Variants in CACNA1I observed in about 807,000 individuals in gnomAD.
The protein encoded by CACNA1I is calcium voltage-gated channel subunit alpha1 I.
Under a neutral mutation model 201.6 loss-of-function variants are expected in CACNA1I, and 74 were observed. That is an observed-to-expected ratio of 0.37 (90% CI 0.30 to 0.45). The LOEUF is 0.45. Among genes scored for constraint, CACNA1I ranks in the 20% least tolerant of loss-of-function variants. CACNA1I has a pLI of 1.00. For synonymous variants in CACNA1I, 1,431 were observed against 1,345.2 expected, an observed-to-expected ratio of 1.06 and a Z score of -1.40; for missense variants, 2,346 against 3,138.1, an observed-to-expected ratio of 0.75 and a Z score of 6.03.
At chr22:39,588,385 CTTTTTT>C (rs3044379) in intron 1 of CACNA1I, among the ~76,000 whole-genome samples, 1 of 80,722 alleles carries the variant, frequency 1.2e-5, no homozygotes, top group African/African-American at 4.4e-5. Flanking sequence ...TTCTTTCTTT[CTTTTTT>C]TTTTTTTTTT....
chr22:39,598,271 G>GCCGCT lies in CACNA1I; in HGVS notation c.348+13_348+14insTCCGC. The GCCGCT allele has an allele frequency of 7.1e-7, 1 of 1,405,352 alleles. No individual in the cohort carries two copies. The highest frequency in any genetic ancestry group is 9.5e-7 in the Non-Finnish European group (1 of 1,051,114). 87.1% of individuals were successfully genotyped at this position (1,405,352 alleles called of 1,614,324 possible). On this transcript the variant is annotated intron_variant, in intron 2 of 36. Coordinates refer to ENST00000402142, the MANE Select transcript of CACNA1I (RefSeq NM_021096.4). Reference sequence around the variant, plus strand: ...GCTGCAAGATCCTGCAGGTGAGCCGGCCGCCCCGCCCCGCCCCGCCCTGCC... The same window carrying GCCGCT: ...GCTGCAAGATCCTGCAGGTGAGCCGGCCGCTCCGCCCCGCCCCGCCCCGCCCTGCC...
chr22:39,678,986 G>A (rs1601528238), intron 31 of CACNA1I, 121 bp from the exon 32 acceptor site: 1 of 733,796 alleles, frequency 1.4e-6, no homozygotes, highest in Non-Finnish European at 2.2e-6. Context: ...GCAGCCCGGG[G>A]CCATCTCGGG....
At chr22:39,622,310 G>T (rs191577478) in intron 4 of CACNA1I, among the ~76,000 whole-genome samples, 3 of 151,984 alleles carry the variant, frequency 2.0e-5, no homozygotes, top group Admixed American at 2.0e-4. Context: ...GCTGGGGGTC[G>T]GGAGGCCTCC....
chr22:39,603,194 A>C (rs1218087215), intron 3 of CACNA1I, among the ~76,000 whole-genome samples: 2 of 151,752 alleles, frequency 1.3e-5, no homozygotes, highest in East Asian at 3.8e-4. Context: ...ATCTCAGAAG[A>C]AAGTTCTTCC....
At chr22:39,643,083 G>A (rs1934390189) in intron 7 of CACNA1I, among the ~76,000 whole-genome samples, 194 bp downstream of exon 7, 1 of 152,134 alleles carries the variant, frequency 6.6e-6, no homozygotes, top group Non-Finnish European at 1.5e-5. Context: ...GGCGGCTGTC[G>A]GGAGCATCCA....
chr22:39,661,759 G>A (rs532151417), intron 16 of CACNA1I, among the ~76,000 whole-genome samples: 2 of 152,372 alleles, frequency 1.3e-5, no homozygotes, highest in Non-Finnish European at 1.5e-5. Context: ...GTAACCTCCG[G>A]GTGGATGTGC....
At chr22:39,625,372 C>G (rs1228784220) in intron 4 of CACNA1I, among the ~76,000 whole-genome samples, 1 of 152,134 alleles carries the variant, frequency 6.6e-6, no homozygotes, top group Non-Finnish European at 1.5e-5. Flanking sequence ...CTGCAAAGCT[C>G]CAGCATGAAC....
intron 8 of CACNA1I, among the ~76,000 whole-genome samples, chr22:39,647,196 G>A (rs2146427496): frequency 6.6e-6 from 1 of 152,304 alleles, no homozygotes; most frequent in Non-Finnish European, 1.5e-5. Context: ...AAGAACAAGT[G>A]TCTCTCCTCA....
intron 7 of CACNA1I, among the ~76,000 whole-genome samples, chr22:39,645,461 C>T (rs1290513172): frequency 6.6e-6 from 1 of 152,184 alleles, no homozygotes; most frequent in Admixed American, 6.5e-5. Flanking sequence ...CAGGGCCCAG[C>T]TGTCTCTTCC....
chr22:39,670,171 C>G lies in CACNA1I; in HGVS notation c.4328C>G (p.Ala1443Gly). The G allele has an allele frequency of 6.2e-7, 1 of 1,613,996 alleles. No individual in the cohort carries two copies. The highest frequency in any genetic ancestry group is 8.5e-7 in the Non-Finnish European group (1 of 1,179,872). Reference sequence around the variant, plus strand: ...CACAAGTGCCGGCAGCACCAGGAGGCTGAAGAGGCACGGCGGCGTGAGGAG... The same window carrying G: ...CACAAGTGCCGGCAGCACCAGGAGGGTGAAGAGGCACGGCGGCGTGAGGAG... ...NFHKCRQHQEAEEARRREEKR... is the reference protein window; with the variant it reads ...NFHKCRQHQEGEEARRREEKR... The change falls in exon 25 of 37, where the codon GCT becomes GGT. Residue 1443 changes from alanine (A) to glycine (G), a missense_variant. Transcript: ENST00000402142.
chr22:39,651,677 C>T (rs548376818), intron 10 of CACNA1I, among the ~76,000 whole-genome samples: 46 of 152,338 alleles, frequency 3.0e-4, no homozygotes, highest in African/African-American at 1.1e-3. Flanking sequence ...TACCCTCGAG[C>T]CCCGGCACTG....
At chr22:39,580,814 A>C (rs1932523790) in intron 1 of CACNA1I, among the ~76,000 whole-genome samples, 1 of 152,228 alleles carries the variant, frequency 6.6e-6, no homozygotes, top group Admixed American at 6.5e-5. Flanking sequence ...ACTGAGGCAT[A>C]GAAACCAGGT....
rs1052371393 is a variant in CACNA1I at position 39,689,199 on chromosome 22, T to C, written c.*2794T>C. 6.5e-6 allele frequency: 1 copy of C among 152,900 alleles called. No homozygotes were observed. The highest frequency in any genetic ancestry group is 1.5e-5 in the Non-Finnish European group (1 of 68,238). The allele number at this position is 152,900 out of a possible 1,614,324, so 9.5% of individuals were successfully genotyped here. On this transcript the variant is annotated 3_prime_UTR_variant, in exon 37 of 37. Transcript: ENST00000402142. ...CTGTCTGCTGGGCTCCGTAGAGCGG[T>C]GGTGGGCAGGCACCTTGGCATCTGT... is the stretch of plus-strand genomic sequence containing the variant.
Position 39,646,871 on chromosome 22 carries a change from C to G in CACNA1I, c.1452C>G (p.Pro484=), listed in dbSNP as rs1343746747. The G allele has an allele frequency of 7.3e-6, 11 of 1,502,054 alleles. No homozygotes were observed. The East Asian group carries it at 2.7e-4, about 37-fold the overall frequency. 93.0% of individuals were successfully genotyped at this position (1,502,054 alleles called of 1,614,324 possible). Residue 484 remains proline (P), a synonymous_variant, in exon 8 of 37, where the codon CCC becomes CCG. Coordinates refer to ENST00000402142, the MANE Select transcript of CACNA1I (RefSeq NM_021096.4). ...AACCTGGGCCCCACGCCAAGGAGCC[C>G]CGGCACTACCGTAAGTGGCCCTGCA... ...PAKPGPHAKE[P]RHYHGKTKGQ...
In CACNA1I at chr22:39,674,302, C is replaced by G. The variant is rs375418254; in HGVS notation, c.4854+269C>G. The stretch of plus-strand genomic sequence containing the variant: ...GTCCACATTGTGCCCTTGGTTGCCC[C>G]CAGGCTGGTGGAGGGAGATGGATAC... On this transcript the variant is annotated intron_variant, in intron 29 of 36. Coordinates refer to ENST00000402142, the MANE Select transcript of CACNA1I (RefSeq NM_021096.4). Among the ~76,000 whole-genome samples, 18 of 152,312 alleles carry G rather than the reference C, an allele frequency of 1.2e-4. No homozygotes were observed. In the East Asian group the frequency reaches 3.3e-3, roughly 28 times the overall value.
chr22:39,592,697 G>A (rs1418269917), intron 1 of CACNA1I, among the ~76,000 whole-genome samples: 1 of 152,178 alleles, frequency 6.6e-6, no homozygotes. Context: ...CAGAAATCCT[G>A]TGCTCCCCCT....
At chr22:39,594,383 G>A (rs549007072) in intron 1 of CACNA1I, among the ~76,000 whole-genome samples, 31 of 152,262 alleles carry the variant, frequency 2.0e-4, no homozygotes, top group South Asian at 4.2e-4. Flanking sequence ...AAGGCGAGGG[G>A]GATGGGGGAT....
intron 3 of CACNA1I, among the ~76,000 whole-genome samples, chr22:39,616,486 T>A (rs1933539889): frequency 6.6e-6 from 1 of 152,046 alleles, no homozygotes; most frequent in Non-Finnish European, 1.5e-5. Flanking sequence ...CTTTGTCGGC[T>A]GGGCACGGTG....
intron 5 of CACNA1I, among the ~76,000 whole-genome samples, chr22:39,637,710 T>G (rs894447177): frequency 2.6e-5 from 4 of 152,224 alleles, no homozygotes; most frequent in Non-Finnish European, 5.9e-5. Context: ...TTTTGCTCTC[T>G]TAACGGTGTC....
Sources: gnomAD v4.1 joint callset for allele counts (sites outside exome capture counted in the v4.1 genomes callset) on GRCh38, gnomAD v4.1.1 for gene constraint, MANE v1.5 for transcripts, NCBI Gene and HGNC (gene_info 2026-07-23, HGNC 2026-07-21) for gene names.